DSN1: variants seen among roughly 807,000 people sequenced by gnomAD.
The protein encoded by DSN1 is DSN1 component of MIS12 kinetochore complex.
A neutral mutation model predicts 45.7 loss-of-function variants in DSN1; 31 were observed. The ratio of observed to expected loss-of-function variants is 0.68; its 90% CI spans 0.51 to 0.92. The LOEUF is 0.92. DSN1 is among the 40% of genes least tolerant of loss of function. The probability of loss-of-function intolerance (pLI) is 0.00; values close to 1 mark genes in which losing one functional copy is unlikely to be tolerated. For missense variants in DSN1, 394 were observed against 414.2 expected (o/e 0.95, Z 0.42); for synonymous variants, 134 against 142.3 (o/e 0.94, Z 0.41).
chr20:36,763,410 G>GAAAAA (rs71186016), intron 5 of DSN1, among the ~76,000 whole-genome samples: 2,988 of 83,910 alleles, frequency 0.036, 31 homozygotes, highest in East Asian at 0.044. Context: ...CTCAAAAAAA[G>GAAAAA]AAAAAAAAAA....
rs888743227 is a variant in DSN1 at position 36,762,462 on chromosome 20, C to T, written c.589G>A (p.Gly197Arg). 2 of 1,612,942 alleles carry T rather than the reference C, an allele frequency of 1.2e-6. No homozygotes were observed. Among genetic ancestry groups the T allele is most frequent in the African/African-American group, 1.3e-5 (1 of 74,862 alleles). Reference sequence around the variant, plus strand: ...GGACAGAAGGGGAACTGCTCTTACCCATTTGAATCTTCAAAACATTTTTGT... The same window carrying T: ...GGACAGAAGGGGAACTGCTCTTACCTATTTGAATCTTCAAAACATTTTTGT... ...TLQKCFEDSN[G>R]KASDFSLEAS... is the part of the protein sequence containing the mutation. Residue 197 changes from glycine (G) to arginine (R), a missense_variant and splice_region_variant, in exon 6 of 11, where the codon GGA becomes AGA. Gly to Arg is a moderately radical substitution (Grantham distance 125). Transcript: ENST00000373750.
In DSN1 at chr20:36,771,143, G is replaced by C. The variant is rs1987627162; in HGVS notation, c.85C>G (p.Leu29Val). The C allele has an allele frequency of 6.2e-7, 1 of 1,614,004 alleles. No homozygotes were observed. Among genetic ancestry groups the C allele is most frequent in the Non-Finnish European group, 8.5e-7 (1 of 1,179,970 alleles). The change falls in exon 3 of 11, where the codon CTC becomes GTC. Residue 29 changes from leucine to valine, a missense_variant. By Grantham distance (32) the Leu-to-Val change is conservative. Transcript: ENST00000373750. Reference sequence around the variant, plus strand: ...TTAGCAAACACTTCCACAGGACTGAGACTTGATTCCAATTGATGATCATGA... The same window carrying C: ...TTAGCAAACACTTCCACAGGACTGACACTTGATTCCAATTGATGATCATGA... ...KTHDHQLESS[L>V]SPVEVFAKTS...
intron 3 of DSN1, among the ~76,000 whole-genome samples, chr20:36,769,815 TAA>T (rs934540811): frequency 2.0e-5 from 3 of 151,766 alleles, no homozygotes; most frequent in Non-Finnish European, 2.9e-5. Context: ...ACTTTGATGC[TAA>T]GATATAGTTA....
At chr20:36,755,571 G>T in intron 9 of DSN1, 111 bp downstream of exon 9, 2 of 1,276,710 alleles carry the variant, frequency 1.6e-6, no homozygotes, top group Non-Finnish European at 1.1e-6. Context: ...AGGTAGAGTT[G>T]AATATACATA....
At chr20:36,753,031 G>A (rs1350845231) in intron 10 of DSN1, 134 bp from the exon 11 acceptor site, 2 of 705,420 alleles carry the variant, frequency 2.8e-6, no homozygotes, top group Non-Finnish European at 4.8e-6. Flanking sequence ...TGGCCTCAAG[G>A]AGATGACAAT....
At chr20:36,756,902 T>C (rs1398982675) in intron 8 of DSN1, among the ~76,000 whole-genome samples, 1 of 152,180 alleles carries the variant, frequency 6.6e-6, no homozygotes, top group Non-Finnish European at 1.5e-5. Context: ...TTACCTGGAT[T>C]GGGGAAATTT....
chr20:36,773,722 C>A lies in DSN1; in HGVS notation c.-76G>T, dbSNP rs1463437124. ...CCAGGTCACTCCTGGACGCCTTGCG[C>A]ACCCGCAGCCGATACTCCCTGATCA... On this transcript the variant is annotated 5_prime_UTR_variant, in exon 1 of 11. Transcript: ENST00000373750. 1 of 985,450 alleles carries A rather than the reference C, an allele frequency of 1.0e-6. No individual in the cohort carries two copies. The highest frequency in any genetic ancestry group is 1.1e-4 in the East Asian group (1 of 8,828). 61.0% of individuals were successfully genotyped at this position (985,450 alleles called of 1,614,324 possible). A position where few individuals can be genotyped will look rare whatever the true frequency, so the allele number is the denominator to read the frequency against.
intron 3 of DSN1, among the ~76,000 whole-genome samples, chr20:36,770,120 A>C (rs910823196): frequency 1.3e-5 from 2 of 152,100 alleles, no homozygotes; most frequent in African/African-American, 2.4e-5. Flanking sequence ...GGATAGATTG[A>C]GTGGCGCAAT....
intron 10 of DSN1, among the ~76,000 whole-genome samples, chr20:36,754,287 C>G (rs912141565): frequency 2.0e-5 from 3 of 151,960 alleles, no homozygotes; most frequent in Non-Finnish European, 4.4e-5. Flanking sequence ...GTGAGCTGTG[C>G]AGTCATTGTG....
At chr20:36,769,964 AAG>A (rs1206821421) in intron 3 of DSN1, among the ~76,000 whole-genome samples, 1 of 129,254 alleles carries the variant, frequency 7.7e-6, no homozygotes, top group Non-Finnish European at 1.6e-5. Flanking sequence ...CAGAGAGAGA[AAG>A]AAAGTGAGGC....
At position 36,755,752 on chromosome 20, in the gene DSN1, A is replaced by C; in HGVS notation, c.803T>G (p.Leu268Arg). 1 of 1,614,152 alleles carries C rather than the reference A, an allele frequency of 6.2e-7. No individual in the cohort carries two copies. The highest frequency in any genetic ancestry group is 8.5e-7 in the Non-Finnish European group (1 of 1,180,030). ...TYLGSSQNEVLNTKPDYQKIL... is the reference protein window; with the variant it reads ...TYLGSSQNEVRNTKPDYQKIL... Reference sequence around the variant, plus strand: ...TTTCTGGTAGTCAGGTTTTGTATTAAGAACTTCATTCTGAGAAGACCCAAG... The same window carrying C: ...TTTCTGGTAGTCAGGTTTTGTATTACGAACTTCATTCTGAGAAGACCCAAG... The change falls in exon 9 of 11, where the codon CTT becomes CGT. Residue 268 changes from leucine (L) to arginine (R), a missense_variant. By Grantham distance (102) the Leu-to-Arg change is moderately radical. Coordinates refer to ENST00000373750, the MANE Select transcript of DSN1 (RefSeq NM_001145315.2).
chr20:36,757,941 G>A (rs866068308), intron 8 of DSN1, 146 bp downstream of exon 8: 2 of 700,056 alleles, frequency 2.9e-6, no homozygotes, highest in Non-Finnish European at 4.8e-6. Context: ...TCTGGTCAGA[G>A]AGTGCTAATA....
chr20:36,761,560 C>T (rs567900845), intron 6 of DSN1, among the ~76,000 whole-genome samples: 5 of 151,774 alleles, frequency 3.3e-5, no homozygotes, highest in South Asian at 2.1e-4. Flanking sequence ...AGGGAGACCC[C>T]GCCTTTAAAA....
intron 4 of DSN1, among the ~76,000 whole-genome samples, chr20:36,767,300 C>G (rs1200418869): frequency 6.6e-6 from 1 of 151,264 alleles, no homozygotes; most frequent in East Asian, 1.9e-4. Context: ...AGCAAGACTC[C>G]GTCTCAAAAA....
At chr20:36,753,681 C>T (rs1295924206) in intron 10 of DSN1, among the ~76,000 whole-genome samples, 1 of 150,640 alleles carries the variant, frequency 6.6e-6, no homozygotes, top group East Asian at 1.9e-4. Flanking sequence ...AGAAAGCCAG[C>T]CACCACTACA....
At position 36,766,771 on chromosome 20, in the gene DSN1, T is replaced by A. The variant is rs189182116; in HGVS notation, c.500A>T (p.Lys167Ile). ...TCACTCATCTGTTAGCAACTTACCT[T>A]TGGCTCTAAAACTTTCAAGACTGAA... The part of the protein sequence containing the change: ...KGFSLESFRA[K>I]ASSLSEELKH... Residue 167 changes from lysine (K) to isoleucine (I), a missense_variant and splice_region_variant, in exon 5 of 11, where the codon AAA becomes ATA. By Grantham distance (102) the Lys-to-Ile change is moderately radical (BLOSUM62 -3). Coordinates refer to ENST00000373750, the MANE Select transcript of DSN1 (RefSeq NM_001145315.2). 1 of 1,610,786 alleles carries A rather than the reference T, an allele frequency of 6.2e-7. No homozygotes were observed. Among genetic ancestry groups the A allele is most frequent in the African/African-American group, 1.3e-5 (1 of 74,814 alleles).
At chr20:36,755,986 G>T (rs2425273) in intron 8 of DSN1, among the ~76,000 whole-genome samples, 157 bp from the exon 9 acceptor site, 130,113 of 151,828 alleles carry the variant, frequency 0.86, 56,100 homozygotes, top group Middle Eastern at 0.91. Context: ...TTGTTTGTTT[G>T]TTTTTGAGAT....
Position 36,768,037 on chromosome 20 carries a change from T to A in DSN1, c.361A>T (p.Ser121Cys). Residue 121 changes from serine (S) to cysteine (C), a missense_variant, in exon 4 of 11, where the codon AGC becomes TGC. Ser to Cys is a moderately radical substitution (Grantham distance 112). Transcript: ENST00000373750. ...GCTAAATCGACACTGATAGACCGGC[T>A]GAGCTCTAACATAAAACATAGCCAC... is the stretch of plus-strand genomic sequence containing the variant. ...HPIHQGITEL[S>C]RSISVDLAES... 1 of 1,614,150 alleles carries A rather than the reference T, an allele frequency of 6.2e-7. No individual in the cohort carries two copies. The highest frequency in any genetic ancestry group is 8.5e-7 in the Non-Finnish European group (1 of 1,180,014).
At position 36,768,043 on chromosome 20, in the gene DSN1, C is replaced by G. The variant is rs773567248; in HGVS notation, c.356-1G>C. 4 of 1,614,048 alleles carry G rather than the reference C, an allele frequency of 2.5e-6. No individual in the cohort carries two copies. The highest frequency in any genetic ancestry group is 1.7e-4 in the Middle Eastern group (1 of 6,060). ...TCGACACTGATAGACCGGCTGAGCT[C>G]TAACATAAAACATAGCCACATTTAA... On this transcript the variant is annotated splice_acceptor_variant, in intron 3 of 10. Coordinates refer to ENST00000373750, the MANE Select transcript of DSN1 (RefSeq NM_001145315.2). LOFTEE classifies it high-confidence loss of function.
Sources: gnomAD v4.1 joint callset for allele counts (sites outside exome capture counted in the v4.1 genomes callset) on GRCh38, gnomAD v4.1.1 for gene constraint, MANE v1.5 for transcripts, NCBI Gene and HGNC (gene_info 2026-07-23, HGNC 2026-07-21) for gene names.